The following PCDHGA8 variants were observed in gnomAD, a reference collection of about 807,000 sequenced individuals.
The protein encoded by PCDHGA8 is protocadherin gamma subfamily A, 8, also known as protocadherin gamma-A8.
Under a neutral mutation model 59.2 loss-of-function variants are expected in PCDHGA8, and 45 were observed. That is an observed-to-expected ratio of 0.76 (90% CI 0.60 to 0.98). PCDHGA8 has a LOEUF of 0.98. Ranked by LOEUF, PCDHGA8 falls within the 50% of genes least tolerant of loss-of-function variation. PCDHGA8 has a pLI of 0.00. For missense variants in PCDHGA8, 1,257 were observed against 1,196.2 expected (o/e 1.05, Z -0.75); for synonymous variants, 531 against 519.0 (o/e 1.02, Z -0.32).
chr5:141,419,763 A>T, intron 1 of PCDHGA8: 1 of 1,614,014 alleles, frequency 6.2e-7, no homozygotes, highest in South Asian at 1.1e-5. Flanking sequence ...TTGGGTGACA[A>T]GGACTCGGTC....
intron 1 of PCDHGA8, among the ~76,000 whole-genome samples, chr5:141,472,862 T>C (rs770564770): frequency 1.3e-5 from 2 of 150,322 alleles, no homozygotes; most frequent in South Asian, 4.2e-4. Flanking sequence ...GGCACATGCC[T>C]GTATTCCCAG....
intron 1 of PCDHGA8, among the ~76,000 whole-genome samples, chr5:141,457,517 TTAA>T (rs1261688593): frequency 6.6e-6 from 1 of 152,196 alleles, no homozygotes; most frequent in Non-Finnish European, 1.5e-5. Flanking sequence ...TTAAAAACAA[TTAA>T]TGAGACTAGG....
At chr5:141,467,491 A>T (rs2154569531) in intron 1 of PCDHGA8, among the ~76,000 whole-genome samples, 1 of 152,224 alleles carries the variant, frequency 6.6e-6, no homozygotes, top group Admixed American at 6.5e-5. Flanking sequence ...CCACATTTAG[A>T]TCCCTGATCT....
intron 1 of PCDHGA8, chr5:141,421,202 C>G (rs1345590720): frequency 6.6e-7 from 1 of 1,519,226 alleles, no homozygotes; most frequent in Non-Finnish European, 8.8e-7. Flanking sequence ...CTCGAGAAAC[C>G]GCGGAATATC....
In PCDHGA8 at chr5:141,512,443, CCTT is replaced by C. The variant is rs1263805618; in HGVS notation, c.*1272_*1274del. On this transcript the variant is annotated 3_prime_UTR_variant, in exon 4 of 4. Coordinates refer to ENST00000398604, the MANE Select transcript of PCDHGA8 (RefSeq NM_032088.2). ...GCCCCTGCCCTCCTGAAGCCTCAGT[CCTT>C]CACCTTGCCAGGTGCCGTTTCTCTT... The C allele has an allele frequency of 1.3e-5, 2 of 152,896 alleles. No homozygotes were observed. The highest frequency in any genetic ancestry group is 4.8e-5 in the African/African-American group (2 of 41,468). 9.5% of individuals were successfully genotyped at this position (152,896 alleles called of 1,614,324 possible).
At position 141,431,556 on chromosome 5, in the gene PCDHGA8, C is replaced by G. The variant is rs1561853752; in HGVS notation, c.2424+36319C>G. ...GGCACGCAGCTGCTTGTAGTCAACGCTACCGACCCTGACGAAGGAGTCAAT... is the reference window on the plus strand; with the variant it reads ...GGCACGCAGCTGCTTGTAGTCAACGGTACCGACCCTGACGAAGGAGTCAAT... On this transcript the variant is annotated intron_variant, in intron 1 of 3. Transcript: ENST00000398604. The surrounding 1 kb of genome is among the most constrained non-coding windows in gnomAD (Gnocchi z 4.8). 3 of 1,614,138 alleles carry G rather than the reference C, an allele frequency of 1.9e-6. No individual in the cohort carries two copies. The highest frequency in any genetic ancestry group is 2.5e-6 in the Non-Finnish European group (3 of 1,180,022).
intron 1 of PCDHGA8, among the ~76,000 whole-genome samples, chr5:141,437,250 G>T (rs1191184272): frequency 6.6e-6 from 1 of 152,102 alleles, no homozygotes; most frequent in African/African-American, 2.4e-5. Flanking sequence ...GACTTTCCTT[G>T]TCTTTTTATG....
chr5:141,418,916 T>C (rs766021059), intron 1 of PCDHGA8: 26 of 1,613,830 alleles, frequency 1.6e-5, no homozygotes, highest in Non-Finnish European at 1.7e-6. Context: ...CACGTCACTC[T>C]CTGATCAGAT....
chr5:141,493,641 G>A lies in PCDHGA8; in HGVS notation c.2425-1166G>A, dbSNP rs547664603. Among the ~76,000 whole-genome samples, 2 of 152,240 alleles carry A rather than the reference G, an allele frequency of 1.3e-5. No individual in the cohort carries two copies. The highest frequency in any genetic ancestry group is 3.9e-4 in the East Asian group (2 of 5,172). On this transcript the variant is annotated intron_variant, in intron 1 of 3. Coordinates refer to ENST00000398604, the MANE Select transcript of PCDHGA8 (RefSeq NM_032088.2). The surrounding 1 kb of genome is among the most constrained non-coding windows in gnomAD (Gnocchi z 4.3). The stretch of plus-strand genomic sequence containing the variant: ...CTAAGAATACAGTGGCTGAGGGCTG[G>A]CCATCCCTGTGCCCTTCTCCATGGC...
At chr5:141,449,016 C>T (rs2098623330) in intron 1 of PCDHGA8, among the ~76,000 whole-genome samples, 1 of 152,008 alleles carries the variant, frequency 6.6e-6, no homozygotes, top group African/African-American at 2.4e-5. Context: ...TTAACAGTTG[C>T]TTAGCATTCC....
At chr5:141,428,987 T>G (rs1185184865) in intron 1 of PCDHGA8, 2 of 152,288 alleles carry the variant, frequency 1.3e-5, no homozygotes, top group Non-Finnish European at 2.9e-5. Context: ...CCCGGGTAGC[T>G]GGGACTACAG....
chr5:141,477,223 T>C lies in PCDHGA8; in HGVS notation c.2425-17584T>C. The C allele has an allele frequency of 6.2e-7, 1 of 1,614,198 alleles. No homozygotes were observed. On this transcript the variant is annotated intron_variant, in intron 1 of 3. Coordinates refer to ENST00000398604, the MANE Select transcript of PCDHGA8 (RefSeq NM_032088.2). This position sits in a 1 kb window ranked among gnomAD's most constrained non-coding sequence, Gnocchi z 4.9. ...TACCCGAGGATGCCCCTCTGGGGAC[T>C]GTCATCGCTTTGCTCAGTGTGACTG... is the stretch of plus-strand genomic sequence containing the variant.
chr5:141,477,992 G>T lies in PCDHGA8; in HGVS notation c.2425-16815G>T. The T allele has an allele frequency of 6.2e-7, 1 of 1,614,108 alleles. No individual in the cohort carries two copies. Among genetic ancestry groups the T allele is most frequent in the Non-Finnish European group, 8.5e-7 (1 of 1,180,024 alleles). On this transcript the variant is annotated intron_variant, in intron 1 of 3. Transcript: ENST00000398604. The surrounding 1 kb of genome is among the most constrained non-coding windows in gnomAD (Gnocchi z 4.9). Reference sequence around the variant, plus strand: ...CCTTTTTGCCATAGGGCTGCACACTGGTCAAATCAGTACTGCCCGTCCAGT... The same window carrying T: ...CCTTTTTGCCATAGGGCTGCACACTTGTCAAATCAGTACTGCCCGTCCAGT...
Position 141,487,252 on chromosome 5 carries a change from G to T in PCDHGA8, c.2425-7555G>T. ...GAGAATCTCGTCTAACCCTCTACTT[G>T]GCTGTGTCCCTAGTGGCAATTTGCT... On this transcript the variant is annotated intron_variant, in intron 1 of 3. Transcript: ENST00000398604. The surrounding 1 kb of genome is among the most constrained non-coding windows in gnomAD (Gnocchi z 5.0). 1 of 1,614,110 alleles carries T rather than the reference G, an allele frequency of 6.2e-7. No homozygotes were observed. The highest frequency in any genetic ancestry group is 8.5e-7 in the Non-Finnish European group (1 of 1,180,014).
At chr5:141,414,587 G>A (rs775783880) in intron 1 of PCDHGA8, 5 of 1,613,828 alleles carry the variant, frequency 3.1e-6, no homozygotes, top group Non-Finnish European at 8.5e-7. Context: ...AACAACGCCA[G>A]GGGTGCCTCC....
At chr5:141,404,002 A>G in intron 1 of PCDHGA8, 2 of 1,613,928 alleles carry the variant, frequency 1.2e-6, no homozygotes, top group South Asian at 1.1e-5. Context: ...TGACCATTAC[A>G]TCTCTGTTTA....
In PCDHGA8 at chr5:141,431,716, G is replaced by T; in HGVS notation, c.2424+36479G>T. On this transcript the variant is annotated intron_variant, in intron 1 of 3. Transcript: ENST00000398604. The surrounding 1 kb of genome is among the most constrained non-coding windows in gnomAD (Gnocchi z 4.8). ...AGTCAGGATTCTACCAGATGGAAGT[G>T]CAAGCAATGGATAATGCAGGATATT... 1 of 1,614,244 alleles carries T rather than the reference G, an allele frequency of 6.2e-7. No homozygotes were observed. Among genetic ancestry groups the T allele is most frequent in the Middle Eastern group, 1.6e-4 (1 of 6,062 alleles).
Position 141,432,670 on chromosome 5 carries a change from G to A in PCDHGA8, c.2424+37433G>A, listed in dbSNP as rs749221752. ...CGCGAGCCCTGCTGGACAGAGACGC[G>A]CTCAAGCAGAGCCTCGTAGTGGCCG... On this transcript the variant is annotated intron_variant, in intron 1 of 3. Coordinates refer to ENST00000398604, the MANE Select transcript of PCDHGA8 (RefSeq NM_032088.2). The surrounding 1 kb of genome is among the most constrained non-coding windows in gnomAD (Gnocchi z 6.0). The A allele has an allele frequency of 6.8e-6, 11 of 1,613,748 alleles. No individual in the cohort carries two copies. The East Asian group carries it at 1.8e-4, about 26-fold the overall frequency.
chr5:141,413,045 G>A, intron 1 of PCDHGA8: 1 of 894,362 alleles, frequency 1.1e-6, no homozygotes, highest in South Asian at 1.9e-5. Flanking sequence ...CTGGGCTGCA[G>A]GGAAGCTCAC....
Sources: gnomAD v4.1 joint callset for allele counts (sites outside exome capture counted in the v4.1 genomes callset) on GRCh38, gnomAD v4.1.1 for gene constraint, Gnocchi (gnomAD v3.1) non-coding constraint, MANE v1.5 for transcripts, NCBI Gene and HGNC (gene_info 2026-07-23, HGNC 2026-07-21) for gene names.